The following ANAPC2 variants were observed in gnomAD, a reference collection of about 807,000 sequenced individuals.
ANAPC2 encodes the protein anaphase-promoting complex subunit 2.
ANAPC2 carries 29 observed loss-of-function variants against 84.3 expected under a neutral mutation model. That is an observed-to-expected ratio of 0.34 (90% CI 0.26 to 0.47). The LOEUF is 0.47. Among genes scored for constraint, ANAPC2 ranks in the 20% least tolerant of loss-of-function variants. The probability of loss-of-function intolerance (pLI) is 1.00; values close to 1 mark genes in which losing one functional copy is unlikely to be tolerated. For missense variants in ANAPC2, 857 were observed against 1,131.7 expected, an observed-to-expected ratio of 0.76 and a Z score of 3.48; for synonymous variants, 571 against 479.4, an observed-to-expected ratio of 1.19 and a Z score of -2.50.
rs750274649 is a variant in ANAPC2 at position 137,187,801 on chromosome 9, C to G, written c.420G>C (p.Leu140Phe). ...ELLEKWTRLG[L>F]LMGTGAQGLR... ...GCCCCTGAGCACCAGTGCCCATCAG[C>G]AAGCCCAGGCGAGTCCATTTCTCCA... is the stretch of plus-strand genomic sequence containing the variant. Residue 140 changes from leucine (L) to phenylalanine (F), a missense_variant, in exon 2 of 13, where the codon TTG becomes TTC. Leu to Phe is a conservative substitution (Grantham distance 22, BLOSUM62 0). Coordinates refer to ENST00000323927, the MANE Select transcript of ANAPC2 (RefSeq NM_013366.4). 6.2e-6 allele frequency: 10 copies of G among 1,613,664 alleles called. No homozygotes were observed. In the Admixed American group the frequency reaches 8.3e-5, roughly 13 times the overall value.
rs542273704 is a variant in ANAPC2, at chr9:137,184,342, C to T, written c.1049-551G>A. Among the ~76,000 whole-genome samples, 7 of 148,964 alleles carry T rather than the reference C, an allele frequency of 4.7e-5. No homozygotes were observed. In the East Asian group the frequency reaches 1.4e-3, roughly 30 times the overall value. On this transcript the variant is annotated intron_variant, in intron 4 of 12. Coordinates refer to ENST00000323927, the MANE Select transcript of ANAPC2 (RefSeq NM_013366.4). ...AGACACAGAGCAGACACGACGAAGG[C>T]CCTGGGAGCCCCAGATGCAGACAAA...
chr9:137,175,690 A>G lies in ANAPC2; in HGVS notation c.2020+18T>C, dbSNP rs776984988. 7 of 1,604,682 alleles carry G rather than the reference A, an allele frequency of 4.4e-6. No individual in the cohort carries two copies. Among genetic ancestry groups the G allele is most frequent in the Non-Finnish European group, 5.1e-6 (6 of 1,174,646 alleles). Reference sequence around the variant, plus strand: ...GCCGTGTGGCCGGGGCAGGCCAGCTAGGGGCTGGTGGGCTCACCTTGGTCC... The same window carrying G: ...GCCGTGTGGCCGGGGCAGGCCAGCTGGGGGCTGGTGGGCTCACCTTGGTCC... On this transcript the variant is annotated intron_variant, in intron 11 of 12. Transcript: ENST00000323927.
chr9:137,180,519 C>T lies in ANAPC2; in HGVS notation c.1619G>A (p.Arg540His). ...QFSFSPEREIRNVELLKLRFG... is the reference protein window; with the variant it reads ...QFSFSPEREIHNVELLKLRFG... ...GCGCAGCTTCAGCAGCTCCACGTTG[C>T]GGATCTCCCTGGAAAGACGAGTGTC... The change falls in exon 9 of 13, where the codon CGC (arginine) becomes CAC (histidine). Residue 540 changes from arginine (R) to histidine (H), a missense_variant. By Grantham distance (29) the Arg-to-His change is conservative. Around this residue, in one of 3 missense-constraint regions of ANAPC2, gnomAD observed 425 missense variants for 595.5 expected, o/e 0.71. Coordinates refer to ENST00000323927, the MANE Select transcript of ANAPC2 (RefSeq NM_013366.4). 2 of 1,613,020 alleles carry T rather than the reference C, an allele frequency of 1.2e-6. No homozygotes were observed. The highest frequency in any genetic ancestry group is 1.7e-6 in the Non-Finnish European group (2 of 1,179,930).
rs576256780 is a variant in ANAPC2 at position 137,175,949 on chromosome 9, C to A, written c.1891-112G>T. 6.0e-5 allele frequency: 81 copies of A among 1,357,434 alleles called. No individual in the cohort carries two copies. The African/African-American group carries it at 1.1e-3, about 19-fold the overall frequency. 84.1% of individuals were successfully genotyped at this position (1,357,434 alleles called of 1,614,324 possible). A position where few individuals can be genotyped will look rare whatever the true frequency, so the allele number is the denominator to read the frequency against. ...GGCTCCCAGAGCCACCTGCCCCACCCCACCCTGGCAGGCAGGTGAGCAGCG... is the reference window on the plus strand; with the variant it reads ...GGCTCCCAGAGCCACCTGCCCCACCACACCCTGGCAGGCAGGTGAGCAGCG... On this transcript the variant is annotated intron_variant, in intron 10 of 12. Coordinates refer to ENST00000323927, the MANE Select transcript of ANAPC2 (RefSeq NM_013366.4).
chr9:137,186,353 G>A lies in ANAPC2; in HGVS notation c.744C>T (p.His248=). Residue 248 remains histidine (H), a synonymous_variant, in exon 3 of 13, where the codon CAC becomes CAT. Coordinates refer to ENST00000323927, the MANE Select transcript of ANAPC2 (RefSeq NM_013366.4). ...TGACCCGCTCCAGCAGACTGAGCCT[G>A]TGTCTAGAGGAGAGCCCTGGCCATG... ...EQFHQLSQVL[H]RLSLLERVSA... The A allele has an allele frequency of 6.2e-7, 1 of 1,601,760 alleles. No homozygotes were observed. Among genetic ancestry groups the A allele is most frequent in the Non-Finnish European group, 8.5e-7 (1 of 1,175,610 alleles).
chr9:137,180,700 C>G, intron 8 of ANAPC2, 88 bp downstream of exon 8: 2 of 1,573,740 alleles, frequency 1.3e-6, no homozygotes, highest in East Asian at 2.3e-5. Context: ...CAACCAGGCC[C>G]CAGGCACGGC....
At chr9:137,175,668 G>A (rs376869790) in intron 11 of ANAPC2, 40 bp downstream of exon 11, 140 of 1,590,216 alleles carry the variant, frequency 8.8e-5, no homozygotes, top group South Asian at 1.8e-4. Flanking sequence ...CAGCTGGGCC[G>A]TGTGGCCGGG....
At chr9:137,186,061 GAA>G (rs1298851629) in intron 3 of ANAPC2, among the ~76,000 whole-genome samples, 161 bp downstream of exon 3, 12 of 152,180 alleles carry the variant, frequency 7.9e-5, no homozygotes, top group Non-Finnish European at 1.6e-4. Context: ...CCAGGGCCCA[GAA>G]GTACTGGTCT....
intron 10 of ANAPC2, among the ~76,000 whole-genome samples, chr9:137,177,470 T>C (rs1370437819): frequency 6.6e-6 from 1 of 152,086 alleles, no homozygotes; most frequent in African/African-American, 2.4e-5. Flanking sequence ...TTTAGATCTA[T>C]TTACGTAGAG....
rs953143974 is a variant in ANAPC2, at chr9:137,177,291, G to A, written c.1891-1454C>T. ...AGGCCTGGAAGTCAAGTGGAATTTC[G>A]GCTGCTGGGTTTGGACTCGCTGTCC... On this transcript the variant is annotated intron_variant, in intron 10 of 12. Coordinates refer to ENST00000323927, the MANE Select transcript of ANAPC2 (RefSeq NM_013366.4). 7.0e-5 allele frequency among the ~76,000 whole-genome samples: 10 copies of A among 143,696 alleles called. No homozygotes were observed. The South Asian group carries it at 2.3e-3, about 33-fold the overall frequency. The allele number at this position is 143,696 out of a possible 152,430, so 94.3% of individuals were successfully genotyped here.
At chr9:137,180,158 G>A (rs1564376149) in intron 10 of ANAPC2, 23 bp downstream of exon 10, 2 of 1,609,146 alleles carry the variant, frequency 1.2e-6, no homozygotes, top group Admixed American at 1.7e-5. Flanking sequence ...AAGAGCCCAT[G>A]GGGTGGCCTG....
intron 10 of ANAPC2, chr9:137,176,933 C>A (rs1834231990): frequency 6.6e-6 from 1 of 152,260 alleles, no homozygotes; most frequent in South Asian, 2.1e-4. Flanking sequence ...AGCAAAAAGG[C>A]ACCAGCCCTT....
intron 9 of ANAPC2, 30 bp downstream of exon 9, chr9:137,180,422 G>T: frequency 6.2e-7 from 1 of 1,612,554 alleles, no homozygotes; most frequent in Non-Finnish European, 8.5e-7. Context: ...CCTGCGGGGC[G>T]GCCGGGCAGC....
chr9:137,185,217 G>T (rs1303294307), intron 3 of ANAPC2, 130 bp from the exon 4 acceptor site: 1 of 971,430 alleles, frequency 1.0e-6, no homozygotes, highest in Non-Finnish European at 1.5e-6. Flanking sequence ...GGCCACCTGC[G>T]TCTGGAGGCT....
chr9:137,188,442 G>A lies in ANAPC2; in HGVS notation c.91C>T (p.Leu31=), dbSNP rs1834528428. ...LVAWNTVSTG[L]VPPAALGLVS... ...AGCCCCAGCGCAGCCGGCGGCACCA[G>A]GCCGGTGCTCACGGTGTTCCAGGCC... The change falls in exon 1 of 13, where the codon CTG becomes TTG. Residue 31 remains leucine, a synonymous_variant. Transcript: ENST00000323927. 6.2e-7 allele frequency: 1 copy of A among 1,609,546 alleles called. No homozygotes were observed. The highest frequency in any genetic ancestry group is 1.3e-5 in the African/African-American group (1 of 74,920).
In ANAPC2 at chr9:137,174,928, G is replaced by GGGCC; in HGVS notation, c.*13_*14insGGCC. On this transcript the variant is annotated 3_prime_UTR_variant, in exon 13 of 13. Coordinates refer to ENST00000323927, the MANE Select transcript of ANAPC2 (RefSeq NM_013366.4). This position sits in a 1 kb window ranked among gnomAD's most constrained non-coding sequence, Gnocchi z 6.1. ...GGCAGCGCCTGGCGGGCGGGCGGGCGGGCGGGCGATGTGTCAGCTGCAGTT... is the reference window on the plus strand; with the variant it reads ...GGCAGCGCCTGGCGGGCGGGCGGGCGGGCCGGCGGGCGATGTGTCAGCTGCAGTT... 1 of 1,371,216 alleles carries GGGCC rather than the reference G, an allele frequency of 7.3e-7. No homozygotes were observed. The highest frequency in any genetic ancestry group is 9.8e-7 in the Non-Finnish European group (1 of 1,019,612). 84.9% of individuals were successfully genotyped at this position (1,371,216 alleles called of 1,614,324 possible).
intron 10 of ANAPC2, among the ~76,000 whole-genome samples, chr9:137,177,526 T>C (rs1166355483): frequency 6.6e-6 from 1 of 152,176 alleles, no homozygotes; most frequent in East Asian, 1.9e-4. Context: ...TAAGATGCAT[T>C]TACAGGCTGA....
intron 5 of ANAPC2, chr9:137,183,451 C>T (rs1834385165): frequency 7.8e-6 from 6 of 772,954 alleles, no homozygotes; most frequent in East Asian, 2.7e-5. Context: ...AGTCTCATCA[C>T]CTCAGACCTA....
intron 4 of ANAPC2, among the ~76,000 whole-genome samples, chr9:137,184,428 C>A (rs1450579312): frequency 7.0e-6 from 1 of 143,006 alleles, no homozygotes; most frequent in East Asian, 2.1e-4. Flanking sequence ...CAGACGCAGA[C>A]ACAGAGCAGA....
Sources: allele counts gnomAD v4.1 joint callset (sites outside exome capture counted in the v4.1 genomes callset), GRCh38; gene constraint gnomAD v4.1.1; regional missense constraint gnomAD v4.1.1; non-coding constraint Gnocchi (gnomAD v3.1); transcripts MANE v1.5; gene names NCBI Gene and HGNC (gene_info 2026-07-23, HGNC 2026-07-21).